The following ACSBG2 variants were observed in gnomAD, a reference collection of about 807,000 sequenced individuals.
ACSBG2 encodes long-chain-fatty-acid--CoA ligase ACSBG2.
In ACSBG2, 62 loss-of-function variants were observed where a neutral mutation model predicts 74.7. That is an observed-to-expected ratio of 0.83 (90% CI 0.68 to 1.03). The LOEUF is 1.03. Ranked by LOEUF, ACSBG2 falls within the 50% of genes least tolerant of loss-of-function variation. The probability of loss-of-function intolerance (pLI) is 0.00; values close to 1 mark genes in which losing one functional copy is unlikely to be tolerated. For missense variants in ACSBG2, 730 were observed against 817.6 expected, an observed-to-expected ratio of 0.89 and a Z score of 1.31; for synonymous variants, 309 against 294.1, an observed-to-expected ratio of 1.05 and a Z score of -0.52.
chr19:6,186,025 G>T (rs1448563295), intron 11 of ACSBG2, among the ~76,000 whole-genome samples: 1 of 151,030 alleles, frequency 6.6e-6, no homozygotes, highest in African/African-American at 2.4e-5. Flanking sequence ...AAGACCTTTT[G>T]AACTTTTCAG....
chr19:6,183,172 T>G lies in ACSBG2; in HGVS notation c.1222T>G (p.Phe408Val). ...GCCCCTCAACCAAGAGACTGCCGAG[T>G]TCTTTCTAAGCTTGGACATACCTAT... ...TAPLNQETAE[F>V]FLSLDIPIGE... Residue 408 changes from phenylalanine to valine, a missense_variant, in exon 10 of 15, where the codon TTC (phenylalanine) becomes GTC (valine). Coordinates refer to ENST00000588485, the MANE Select transcript of ACSBG2 (RefSeq NM_030924.5). 1 of 1,614,066 alleles carries G rather than the reference T, an allele frequency of 6.2e-7. No homozygotes were observed. The highest frequency in any genetic ancestry group is 1.1e-5 in the South Asian group (1 of 91,078).
chr19:6,174,900 C>T lies in ACSBG2; in HGVS notation c.739-2329C>T, dbSNP rs2090053191. Among the ~76,000 whole-genome samples, 1 of 151,856 alleles carries T rather than the reference C, an allele frequency of 6.6e-6. No homozygotes were observed. The highest frequency in any genetic ancestry group is 1.5e-5 in the Non-Finnish European group (1 of 67,946). On this transcript the variant is annotated intron_variant, in intron 7 of 14. Transcript: ENST00000588485. This position sits in a 1 kb window ranked among gnomAD's most constrained non-coding sequence, Gnocchi z 4.2. Reference sequence around the variant, plus strand: ...CAGTGTTTCTCCCGTGTAGGGAACACTATGTTCAGTGCTAAGATAAACACA... The same window carrying T: ...CAGTGTTTCTCCCGTGTAGGGAACATTATGTTCAGTGCTAAGATAAACACA...
Position 6,136,308 on chromosome 19 carries a change from A to G in ACSBG2, c.-32+399A>G, listed in dbSNP as rs113484397. Among the ~76,000 whole-genome samples the G allele has an allele frequency of 1.6e-3, 247 of 151,792 alleles. 2 individuals are homozygous for G. The highest frequency in any genetic ancestry group is 4.3e-3 in the African/African-American group (178 of 41,326). On this transcript the variant is annotated intron_variant, in intron 1 of 14. Transcript: ENST00000588485. ...GGGGTTTCACCACATTAGCCAGGAT[A>G]GTCTCAATCTCCTGACCTCGTGATC...
chr19:6,165,500 G>A (rs1000786548), intron 6 of ACSBG2, among the ~76,000 whole-genome samples: 40 of 152,288 alleles, frequency 2.6e-4, no homozygotes, highest in African/African-American at 9.1e-4. Flanking sequence ...GGAAGGCAGC[G>A]AACAAATAAT....
intron 5 of ACSBG2, among the ~76,000 whole-genome samples, chr19:6,157,786 ATT>A (rs1220094425): frequency 6.6e-6 from 1 of 151,828 alleles, no homozygotes; most frequent in African/African-American, 2.4e-5. Context: ...ACTGCTAATT[ATT>A]TTTTCTTTTA....
chr19:6,161,440 C>A, intron 6 of ACSBG2, 145 bp downstream of exon 6: 1 of 670,750 alleles, frequency 1.5e-6, no homozygotes, highest in Non-Finnish European at 2.4e-6. Context: ...TGGGGACTCT[C>A]AAAGGAAGTG....
chr19:6,187,002 GTTTTTTT>G (rs1011907904), intron 11 of ACSBG2, among the ~76,000 whole-genome samples: 1 of 130,698 alleles, frequency 7.7e-6, no homozygotes, highest in Non-Finnish European at 1.6e-5. Context: ...TGGCCACTAG[GTTTTTTT>G]TTTTTTTTTT....
chr19:6,181,603 C>G (rs1036302288), intron 8 of ACSBG2, among the ~76,000 whole-genome samples: 89 of 152,172 alleles, frequency 5.8e-4, no homozygotes, highest in African/African-American at 2.0e-3. Flanking sequence ...CTTTTGGTAT[C>G]ATATCTAGGA....
chr19:6,145,923 C>T (rs2089014550), intron 2 of ACSBG2, among the ~76,000 whole-genome samples: 2 of 152,110 alleles, frequency 1.3e-5, no homozygotes, highest in South Asian at 2.1e-4. Context: ...TTTGCTCCAC[C>T]ATTTTTGTGA....
At chr19:6,156,584 C>A in intron 5 of ACSBG2, 33 bp downstream of exon 5, 1 of 1,503,598 alleles carries the variant, frequency 6.7e-7, no homozygotes, top group South Asian at 1.4e-5. Context: ...CTGCCAAAGT[C>A]ACCCAGGGGT....
intron 8 of ACSBG2, among the ~76,000 whole-genome samples, chr19:6,181,337 G>C (rs755206362): frequency 6.7e-5 from 10 of 148,420 alleles, no homozygotes; most frequent in Non-Finnish European, 1.2e-4. Flanking sequence ...GAAAAAAGAG[G>C]AAGGAAGGAA....
chr19:6,162,950 C>T, intron 6 of ACSBG2, among the ~76,000 whole-genome samples: 1 of 151,828 alleles, frequency 6.6e-6, no homozygotes, highest in Non-Finnish European at 1.5e-5. Context: ...CATAGAAGGG[C>T]ATCTACTCCT....
In ACSBG2 at chr19:6,183,242, T is replaced by C; in HGVS notation, c.1292T>C (p.Ile431Thr). ...GLSESSGPHT[I>T]SNQNNYRLLS... The stretch of plus-strand genomic sequence containing the variant: ...AGTGAGAGCTCGGGACCCCACACGA[T>C]ATCCAACCAGAATAACTACAGGCTT... The change falls in exon 10 of 15, where the codon ATA (isoleucine) becomes ACA (threonine). Residue 431 changes from isoleucine (I) to threonine (T), a missense_variant. Coordinates refer to ENST00000588485, the MANE Select transcript of ACSBG2 (RefSeq NM_030924.5). 1.9e-6 allele frequency: 3 copies of C among 1,614,132 alleles called. No homozygotes were observed. Among genetic ancestry groups the C allele is most frequent in the Non-Finnish European group, 2.5e-6 (3 of 1,180,022 alleles).
At chr19:6,186,099 A>C (rs1218132589) in intron 11 of ACSBG2, among the ~76,000 whole-genome samples, 1 of 151,794 alleles carries the variant, frequency 6.6e-6, no homozygotes, top group Non-Finnish European at 1.5e-5. Flanking sequence ...AGCTGGTTCA[A>C]ATGGGCTTGA....
At chr19:6,170,763 G>C (rs1431344054) in intron 7 of ACSBG2, among the ~76,000 whole-genome samples, 1 of 152,090 alleles carries the variant, frequency 6.6e-6, no homozygotes, top group East Asian at 1.9e-4. Flanking sequence ...GGTCCATTTG[G>C]TCAACTGTCC....
At chr19:6,150,821 A>T (rs1004973546) in intron 3 of ACSBG2, among the ~76,000 whole-genome samples, 3 of 152,138 alleles carry the variant, frequency 2.0e-5, no homozygotes, top group Non-Finnish European at 4.4e-5. Flanking sequence ...CTACACTCTT[A>T]AAAATGGTCA....
rs117586101 is a variant in ACSBG2 at position 6,183,322 on chromosome 19, G to A, written c.1322+50G>A. 7.6e-3 allele frequency: 11,713 copies of A among 1,541,060 alleles called. 61 individuals are homozygous for A. The highest frequency in any genetic ancestry group is 9.7e-3 in the Non-Finnish European group (10,908 of 1,119,232). On this transcript the variant is annotated intron_variant, in intron 10 of 14. Coordinates refer to ENST00000588485, the MANE Select transcript of ACSBG2 (RefSeq NM_030924.5). ...TGCTCCTCCCATAACATGGGGTCAA[G>A]AGGGGGAAGGTGGGTGGATAGATGG...
intron 6 of ACSBG2, among the ~76,000 whole-genome samples, chr19:6,162,342 G>A (rs1276975412): frequency 4.0e-5 from 6 of 149,764 alleles, no homozygotes; most frequent in East Asian, 2.0e-4. Flanking sequence ...CGAGGCAGGC[G>A]GATCACGAGG....
chr19:6,151,441 G>A (rs139777076), intron 3 of ACSBG2, among the ~76,000 whole-genome samples: 87 of 152,124 alleles, frequency 5.7e-4, no homozygotes, highest in Non-Finnish European at 1.0e-3. Flanking sequence ...CCAAGTAGCC[G>A]GGACGACAAG....
Sources: gnomAD v4.1 joint callset for allele counts (sites outside exome capture counted in the v4.1 genomes callset) on GRCh38, gnomAD v4.1.1 for gene constraint, Gnocchi (gnomAD v3.1) non-coding constraint, MANE v1.5 for transcripts, NCBI Gene and HGNC (gene_info 2026-07-23, HGNC 2026-07-21) for gene names.